The following DDX43 variants were observed in gnomAD, a reference collection of about 807,000 sequenced individuals.
DDX43 encodes DEAD-box helicase 43.
DDX43 carries 50 observed loss-of-function variants against 84.9 expected under a neutral mutation model. The observed-to-expected ratio is 0.59, with a 90% confidence interval of 0.47 to 0.75. The LOEUF is 0.75. Among genes scored for constraint, DDX43 ranks in the 30% least tolerant of loss-of-function variants. The pLI, the probability that DDX43 is intolerant of heterozygous loss-of-function variation, is 0.00. For missense variants in DDX43, 689 were observed against 798.6 expected (o/e 0.86, Z 1.65); for synonymous variants, 291 against 266.3 (o/e 1.09, Z -0.90).
At chr6:73,400,204 A>T in intron 2 of DDX43, 30 bp from the exon 3 acceptor site, 1 of 1,548,148 alleles carries the variant, frequency 6.5e-7, no homozygotes, top group East Asian at 2.3e-5. Flanking sequence ...GGAAATTTTA[A>T]GTCTCACCTC....
chr6:73,412,728 CGTGT>C (rs35713525), intron 11 of DDX43, among the ~76,000 whole-genome samples: 88 of 118,756 alleles, frequency 7.4e-4, no homozygotes, highest in East Asian at 6.1e-3. Context: ...TGATATATAG[CGTGT>C]GTGTGTGTGT....
At chr6:73,412,728 CGTGTGTGTGT>C (rs35713525) in intron 11 of DDX43, among the ~76,000 whole-genome samples, 2 of 118,954 alleles carry the variant, frequency 1.7e-5, no homozygotes, top group Admixed American at 1.7e-4. Context: ...TGATATATAG[CGTGTGTGTGT>C]GTGTGTGTGT....
chr6:73,417,069 C>T (rs1769918373), intron 16 of DDX43, 118 bp from the exon 17 acceptor site: 1 of 152,164 alleles, frequency 6.6e-6, no homozygotes, highest in Non-Finnish European at 1.5e-5. Context: ...AATGAATATA[C>T]ACTACAGAGT....
chr6:73,402,777 C>T (rs998195853), intron 4 of DDX43, among the ~76,000 whole-genome samples: 1 of 152,112 alleles, frequency 6.6e-6, no homozygotes, highest in African/African-American at 2.4e-5. Context: ...CGGGGTTTCA[C>T]CATGTTGGCC....
chr6:73,400,431 T>A, intron 3 of DDX43, 68 bp downstream of exon 3: 1 of 1,379,550 alleles, frequency 7.2e-7, no homozygotes, highest in Non-Finnish European at 9.7e-7. Context: ...TAAGCCATTA[T>A]ACCTGATTTC....
intron 9 of DDX43, 23 bp downstream of exon 9, chr6:73,408,124 G>A (rs749802862): frequency 1.2e-6 from 2 of 1,610,692 alleles, no homozygotes; most frequent in East Asian, 4.5e-5. Flanking sequence ...ATAGGGGTTT[G>A]AGATGCTGGG....
rs780216444 is a variant in DDX43, at chr6:73,414,580, G to T, written c.1639G>T (p.Ala547Ser). ...KVRILIATDL[A>S]SRGLDVHDVT... ...GAGAATACTAATTGCAACTGATCTAGCCTCTAGAGGACTTGATGTCCATGA... is the reference window on the plus strand; with the variant it reads ...GAGAATACTAATTGCAACTGATCTATCCTCTAGAGGACTTGATGTCCATGA... Residue 547 changes from alanine (A) to serine (S), a missense_variant, in exon 14 of 17, where the codon GCC becomes TCC. Transcript: ENST00000370336. 6.2e-7 allele frequency: 1 copy of T among 1,613,314 alleles called. No homozygotes were observed. The highest frequency in any genetic ancestry group is 8.5e-7 in the Non-Finnish European group (1 of 1,179,540).
chr6:73,394,958 G>T lies in DDX43; in HGVS notation c.53G>T (p.Arg18Leu). ...GCCTCTACGTGGGTCGTTGCTAGTC[G>T]GCGAAGCTCGACAGTGTCCCGAGCG... Reference protein sequence around the residue: ...PKASTWVVASRRSSTVSRAPE... With the variant: ...PKASTWVVASLRSSTVSRAPE... Residue 18 changes from arginine (R) to leucine (L), a missense_variant, in exon 1 of 17, where the codon CGG becomes CTG. Physicochemically the swap from Arg to Leu is moderately radical, Grantham distance 102. This residue lies in a region of DDX43 where 137 missense variants were observed against 105.9 expected (regional missense o/e 1.29). Coordinates refer to ENST00000370336, the MANE Select transcript of DDX43 (RefSeq NM_018665.3). 3 of 1,614,246 alleles carry T rather than the reference G, an allele frequency of 1.9e-6. No homozygotes were observed. Among genetic ancestry groups the T allele is most frequent in the Non-Finnish European group, 8.5e-7 (1 of 1,180,042 alleles).
chr6:73,402,986 C>A (rs6934892), intron 4 of DDX43, among the ~76,000 whole-genome samples: 4,890 of 152,290 alleles, frequency 0.032, 278 homozygotes, highest in African/African-American at 0.11. Flanking sequence ...GGCAGCAATA[C>A]AACATCTTTT....
chr6:73,408,830 A>C (rs913707476), intron 9 of DDX43, among the ~76,000 whole-genome samples: 1 of 152,188 alleles, frequency 6.6e-6, no homozygotes, highest in African/African-American at 2.4e-5. Flanking sequence ...TGCTGGGATG[A>C]CAGGCGTGAC....
chr6:73,412,483 C>G (rs1395062726), intron 11 of DDX43, among the ~76,000 whole-genome samples, 191 bp downstream of exon 11: 1 of 151,888 alleles, frequency 6.6e-6, no homozygotes, highest in African/African-American at 2.4e-5. Context: ...AACCTCTAGT[C>G]AGGGCCTATA....
chr6:73,409,403 C>T (rs1052593707), intron 10 of DDX43, 55 bp downstream of exon 10: 2 of 1,376,396 alleles, frequency 1.5e-6, no homozygotes, highest in Non-Finnish European at 2.1e-6. Flanking sequence ...AATAGAATCT[C>T]ATTCTGTTTG....
In DDX43 at chr6:73,395,101, G is replaced by C; in HGVS notation, c.196G>C (p.Glu66Gln). Residue 66 changes from glutamate to glutamine, a missense_variant, in exon 1 of 17, where the codon GAG (glutamate) becomes CAG (glutamine). Physicochemically the swap from Glu to Gln is conservative, Grantham distance 29. Coordinates refer to ENST00000370336, the MANE Select transcript of DDX43 (RefSeq NM_018665.3). The stretch of plus-strand genomic sequence containing the variant: ...CCCGGAGGCCGTGGCCGCTGGTCAC[G>C]AGGAACTGCCGCTGTGTTTTGCTTT... ...RPPEAVAAGH[E>Q]ELPLCFALKS... 1.2e-6 allele frequency: 2 copies of C among 1,614,152 alleles called. No individual in the cohort carries two copies. The highest frequency in any genetic ancestry group is 8.5e-7 in the Non-Finnish European group (1 of 1,179,986).
Position 73,394,858 on chromosome 6 carries a change from G to A in DDX43, c.-48G>A. 8 of 1,600,934 alleles carry A rather than the reference G, an allele frequency of 5.0e-6. No homozygotes were observed. Among genetic ancestry groups the A allele is most frequent in the Non-Finnish European group, 6.8e-6 (8 of 1,173,228 alleles). On this transcript the variant is annotated 5_prime_UTR_variant, in exon 1 of 17. It adds an upstream start codon to the 5' untranslated region. Transcript: ENST00000370336. ...ACTCTTACGACGTCACGGTCAGGTG[G>A]TGCAGAGCTGGACGGCAACGACGTC... is the stretch of plus-strand genomic sequence containing the variant.
intron 9 of DDX43, among the ~76,000 whole-genome samples, chr6:73,408,927 T>C (rs1769733623): frequency 6.6e-6 from 1 of 152,202 alleles, no homozygotes; most frequent in African/African-American, 2.4e-5. Flanking sequence ...AATTAAGACT[T>C]CTATTTGAAA....
intron 15 of DDX43, among the ~76,000 whole-genome samples, 176 bp from the exon 16 acceptor site, chr6:73,415,937 G>A (rs1001749487): frequency 6.6e-6 from 1 of 152,192 alleles, no homozygotes; most frequent in Non-Finnish European, 1.5e-5. Flanking sequence ...CTTGGAAGCA[G>A]CTGAAGCAGC....
intron 4 of DDX43, among the ~76,000 whole-genome samples, chr6:73,402,658 C>T (rs937793415): frequency 2.6e-5 from 4 of 152,212 alleles, no homozygotes; most frequent in Non-Finnish European, 5.9e-5. Flanking sequence ...TGGCTCACCA[C>T]AAACTCCATC....
At position 73,405,671 on chromosome 6, in the gene DDX43, C is replaced by T. The variant is rs781247884; in HGVS notation, c.651-8C>T. On this transcript the variant is annotated splice_polypyrimidine_tract_variant and splice_region_variant and intron_variant, in intron 5 of 16. Transcript: ENST00000370336. The stretch of plus-strand genomic sequence containing the variant: ...AGGAAAGCCACTGATGTTTTTTATT[C>T]TTTGAAGGAAAGAAAATTTTAATAT... The T allele has an allele frequency of 1.9e-6, 3 of 1,610,902 alleles. No individual in the cohort carries two copies. The South Asian group carries it at 3.3e-5, about 18-fold the overall frequency.
intron 11 of DDX43, among the ~76,000 whole-genome samples, chr6:73,412,728 CGTGTGT>C (rs35713525): frequency 8.4e-5 from 10 of 118,948 alleles, no homozygotes; most frequent in East Asian, 2.5e-4. Context: ...TGATATATAG[CGTGTGT>C]GTGTGTGTGT....
Sources: gnomAD v4.1 joint callset for allele counts (sites outside exome capture counted in the v4.1 genomes callset) on GRCh38, gnomAD v4.1.1 for gene constraint, gnomAD v4.1.1 regional missense constraint, MANE v1.5 for transcripts, NCBI Gene and HGNC (gene_info 2026-07-23, HGNC 2026-07-21) for gene names.